Variants in RNLS observed in about 807,000 individuals in gnomAD.
RNLS encodes renalase, FAD dependent amine oxidase.
RNLS carries 39 observed loss-of-function variants against 39.8 expected under a neutral mutation model. The observed-to-expected ratio is 0.98, with a 90% CI of 0.76 to 1.28. The LOEUF (loss-of-function observed/expected upper bound fraction) is 1.28, where lower values mean the gene tolerates loss of function less well. Among genes scored for constraint, RNLS ranks in the 50% most tolerant of loss-of-function variants. RNLS has a pLI of 0.00. For missense variants in RNLS, 410 were observed against 413.3 expected (o/e 0.99, Z 0.07); for synonymous variants, 147 against 150.7 (o/e 0.98, Z 0.18).
chr10:88,464,528 C>CT (rs1315222924), intron 4 of RNLS, among the ~76,000 whole-genome samples: 1 of 152,074 alleles, frequency 6.6e-6, no homozygotes, highest in African/African-American at 2.4e-5. Flanking sequence ...TGATCTTAGA[C>CT]AATTACAGAA....
the RNLS span, among the ~76,000 whole-genome samples, chr10:88,211,940 C>G: frequency 6.6e-6 from 1 of 152,288 alleles, no homozygotes; most frequent in East Asian, 1.9e-4. Flanking sequence ...ATGGTATGAA[C>G]AAGGAGCATG....
chr10:88,192,842 G>T, the RNLS span, among the ~76,000 whole-genome samples: 2 of 152,210 alleles, frequency 1.3e-5, no homozygotes, highest in Non-Finnish European at 2.9e-5. Context: ...ACTTTTACTT[G>T]AGTAACTACC....
the RNLS span, among the ~76,000 whole-genome samples, chr10:88,184,159 T>C: frequency 1.3e-5 from 2 of 152,122 alleles, no homozygotes; most frequent in Non-Finnish European, 2.9e-5. Context: ...CACAGACACT[T>C]TCTGTGTGAG....
chr10:88,497,200 C>G (rs577713805), intron 4 of RNLS, among the ~76,000 whole-genome samples: 1 of 152,084 alleles, frequency 6.6e-6, no homozygotes, highest in Admixed American at 6.6e-5. Context: ...TATAGAAATA[C>G]AACTTAACAG....
intron 5 of RNLS, among the ~76,000 whole-genome samples, chr10:88,336,119 G>A (rs1414882751): frequency 6.6e-6 from 1 of 152,176 alleles, no homozygotes; most frequent in Non-Finnish European, 1.5e-5. Context: ...TGACAGCATT[G>A]AATGCACACA....
the RNLS span, among the ~76,000 whole-genome samples, chr10:88,262,903 A>G: frequency 1.4e-4 from 22 of 152,152 alleles, no homozygotes; most frequent in Admixed American, 9.2e-4. Context: ...TCTCGCCTCT[A>G]TGGAGTCTGC....
At chr10:88,422,864 A>G (rs1368715668) in intron 4 of RNLS, among the ~76,000 whole-genome samples, 1 of 152,028 alleles carries the variant, frequency 6.6e-6, no homozygotes, top group Non-Finnish European at 1.5e-5. Flanking sequence ...TCTGGACTCA[A>G]GCAATCCTCC....
intron 4 of RNLS, among the ~76,000 whole-genome samples, chr10:88,394,428 A>C (rs534300907): frequency 6.6e-6 from 1 of 152,354 alleles, no homozygotes; most frequent in South Asian, 2.1e-4. Flanking sequence ...ATGCAGCCAA[A>C]AAACACATGA....
At chr10:88,292,263 G>A (rs1843722206) in intron 6 of RNLS, among the ~76,000 whole-genome samples, 1 of 150,032 alleles carries the variant, frequency 6.7e-6, no homozygotes, top group African/African-American at 2.5e-5. Context: ...TTTTTCATCA[G>A]TCTGTCATGT....
chr10:88,536,997 G>A (rs545638072), intron 4 of RNLS, among the ~76,000 whole-genome samples: 3 of 152,266 alleles, frequency 2.0e-5, no homozygotes, highest in African/African-American at 4.8e-5. Flanking sequence ...ATGAATGAGC[G>A]AGTAGCATAT....
chr10:88,579,318 G>T (rs1850391181), intron 3 of RNLS, among the ~76,000 whole-genome samples: 1 of 152,138 alleles, frequency 6.6e-6, no homozygotes, highest in Non-Finnish European at 1.5e-5. Flanking sequence ...AAACACGGTA[G>T]GTCAGATAAT....
intron 4 of RNLS, among the ~76,000 whole-genome samples, chr10:88,406,191 A>C (rs1853254083): frequency 6.6e-6 from 1 of 152,084 alleles, no homozygotes; most frequent in African/African-American, 2.4e-5. Flanking sequence ...TAACCTAATG[A>C]CAATGTGCCT....
chr10:88,580,969 T>C (rs184551501), intron 3 of RNLS, among the ~76,000 whole-genome samples: 4 of 152,288 alleles, frequency 2.6e-5, no homozygotes, highest in Admixed American at 2.0e-4. Context: ...CTGTGAGGAA[T>C]TGATCCTAAA....
chr10:88,469,060 G>A (rs574907928), intron 4 of RNLS, among the ~76,000 whole-genome samples: 17 of 152,186 alleles, frequency 1.1e-4, no homozygotes, highest in Non-Finnish European at 2.5e-4. Context: ...TGGATATATG[G>A]TACATATATA....
At chr10:88,262,871 C>T in the RNLS span, among the ~76,000 whole-genome samples, 6 of 152,108 alleles carry the variant, frequency 3.9e-5, no homozygotes, top group South Asian at 2.1e-4. Flanking sequence ...TTGATCAAGA[C>T]ATTATGATTG....
the RNLS span, among the ~76,000 whole-genome samples, chr10:88,233,497 G>A: frequency 1.7e-4 from 26 of 152,164 alleles, no homozygotes; most frequent in Admixed American, 8.5e-4. Context: ...GACTTTCCCT[G>A]GGCTTGGGTT....
chr10:88,563,568 G>C (rs1315718877), intron 4 of RNLS, among the ~76,000 whole-genome samples: 1 of 152,034 alleles, frequency 6.6e-6, no homozygotes, highest in Non-Finnish European at 1.5e-5. Flanking sequence ...ATAGCATTAA[G>C]GTCCAAGTTG....
intron 4 of RNLS, among the ~76,000 whole-genome samples, chr10:88,427,190 C>T (rs1037460958): frequency 6.6e-6 from 1 of 151,964 alleles, no homozygotes; most frequent in Non-Finnish European, 1.5e-5. Flanking sequence ...ATCTTTACTA[C>T]CACACTATAC....
At chr10:88,271,425 C>T (rs915220009), downstream of RNLS, among the ~76,000 whole-genome samples, 1 of 152,194 alleles carries the variant, frequency 6.6e-6, no homozygotes, top group Admixed American at 6.5e-5. Flanking sequence ...TCTCAGGCCT[C>T]TAGGGTGGAT....
Sources: allele counts gnomAD v4.1 joint callset (sites outside exome capture counted in the v4.1 genomes callset), GRCh38; gene constraint gnomAD v4.1.1; transcripts MANE v1.5; gene names NCBI Gene and HGNC (gene_info 2026-07-23, HGNC 2026-07-21).